GALNTL6: variants seen among roughly 807,000 people sequenced by gnomAD.
The protein encoded by GALNTL6 is polypeptide N-acetylgalactosaminyltransferase like 6, also known as polypeptide N-acetylgalactosaminyltransferase-like 6.
GALNTL6 carries 46 observed loss-of-function variants against 73.7 expected under a neutral mutation model. That is an observed-to-expected ratio of 0.62 (90% CI 0.49 to 0.80). The LOEUF (loss-of-function observed/expected upper bound fraction) is 0.80, where lower values mean the gene tolerates loss of function less well. GALNTL6 is among the 30% of genes least tolerant of loss of function. GALNTL6 has a pLI of 0.00. For missense variants in GALNTL6, 604 were observed against 755.0 expected (o/e 0.80, Z 2.34); for synonymous variants, 259 against 263.7 (o/e 0.98, Z 0.17).
chr4:172,055,651 T>G (rs1227199558), intron 2 of GALNTL6, among the ~76,000 whole-genome samples: 2 of 152,150 alleles, frequency 1.3e-5, no homozygotes, highest in East Asian at 3.9e-4. Flanking sequence ...GAAAACCTGC[T>G]AGGCTTTAAG....
At chr4:172,354,928 G>T (rs1247990873) in intron 5 of GALNTL6, among the ~76,000 whole-genome samples, 3 of 152,058 alleles carry the variant, frequency 2.0e-5, no homozygotes. Context: ...CCTGAAGTGC[G>T]AATGTGAATA....
At chr4:172,893,665 T>C (rs1228644886) in intron 8 of GALNTL6, among the ~76,000 whole-genome samples, 2 of 152,208 alleles carry the variant, frequency 1.3e-5, no homozygotes. Flanking sequence ...AGCCAAGCCC[T>C]GCTCTCTCCC....
chr4:172,206,857 G>C (rs575257392), intron 2 of GALNTL6, among the ~76,000 whole-genome samples: 2 of 116,448 alleles, frequency 1.7e-5, no homozygotes, highest in Admixed American at 1.2e-4. Flanking sequence ...TCACTCTGTC[G>C]CCCAGGCTGG....
chr4:172,869,429 G>C (rs1366337604), intron 7 of GALNTL6, among the ~76,000 whole-genome samples: 1 of 152,148 alleles, frequency 6.6e-6, no homozygotes, highest in Admixed American at 6.6e-5. Flanking sequence ...CGGAGAAAAA[G>C]ACAGAAAAAG....
intron 2 of GALNTL6, among the ~76,000 whole-genome samples, chr4:171,959,530 G>C (rs941445438): frequency 1.6e-4 from 25 of 151,802 alleles, no homozygotes; most frequent in African/African-American, 6.1e-4. Context: ...GGGCGCTGGG[G>C]TGTCTTCTTT....
At chr4:172,836,365 C>G (rs1742910740) in intron 7 of GALNTL6, among the ~76,000 whole-genome samples, 1 of 152,222 alleles carries the variant, frequency 6.6e-6, no homozygotes, top group African/African-American at 2.4e-5. Flanking sequence ...TTAAACTCCT[C>G]CACAGATGTC....
chr4:172,467,937 C>T (rs180982223), intron 5 of GALNTL6, among the ~76,000 whole-genome samples: 87 of 148,098 alleles, frequency 5.9e-4, no homozygotes, highest in African/African-American at 2.0e-3. Context: ...CTCTGCCACC[C>T]AGGCTGAGTA....
intron 5 of GALNTL6, among the ~76,000 whole-genome samples, chr4:172,609,673 G>A (rs1276018296): frequency 7.1e-6 from 1 of 141,560 alleles, no homozygotes; most frequent in South Asian, 2.4e-4. Context: ...GTGTCTGCCA[G>A]GTTTTGGTAT....
chr4:172,074,178 A>G (rs1382260433), intron 2 of GALNTL6, among the ~76,000 whole-genome samples: 1 of 152,202 alleles, frequency 6.6e-6, no homozygotes, highest in African/African-American at 2.4e-5. Context: ...ATTTGTTGAC[A>G]ACTAATTGTA....
intron 10 of GALNTL6, among the ~76,000 whole-genome samples, chr4:172,985,492 C>T (rs1314377390): frequency 6.6e-6 from 1 of 152,050 alleles, no homozygotes; most frequent in African/African-American, 2.4e-5. Context: ...ATTGCCTAAA[C>T]AGCTGATTTA....
At chr4:172,880,432 T>C (rs187320361) in intron 7 of GALNTL6, among the ~76,000 whole-genome samples, 6 of 152,190 alleles carry the variant, frequency 3.9e-5, no homozygotes, top group Admixed American at 3.9e-4. Flanking sequence ...TATAATTCTA[T>C]GTATATATAG....
intron 5 of GALNTL6, among the ~76,000 whole-genome samples, chr4:172,595,102 A>T (rs150715238): frequency 1.5e-3 from 226 of 152,262 alleles, no homozygotes; most frequent in Non-Finnish European, 2.7e-3. Context: ...CATTCATGAG[A>T]GTTTCACCTC....
intron 5 of GALNTL6, among the ~76,000 whole-genome samples, chr4:172,723,827 G>T (rs1288747151): frequency 6.6e-6 from 1 of 151,970 alleles, no homozygotes; most frequent in Non-Finnish European, 1.5e-5. Context: ...TATTCTTTTT[G>T]TGAAAAATAA....
intron 2 of GALNTL6, among the ~76,000 whole-genome samples, chr4:172,183,267 G>A (rs954983912): frequency 5.9e-5 from 9 of 152,082 alleles, no homozygotes; most frequent in South Asian, 2.1e-4. Context: ...CATAAAAAAC[G>A]ATGAATAACA....
Position 172,367,449 on chromosome 4 carries a change from G to A in GALNTL6, c.553+18760G>A, listed in dbSNP as rs77703020. ...ACCAAGATAATGAATGCCTTCATAA[G>A]GCCCCTAGAAAGACCTTTTTTTTTG... On this transcript the variant is annotated intron_variant, in intron 5 of 12. Coordinates refer to ENST00000506823, the MANE Select transcript of GALNTL6 (RefSeq NM_001034845.3). Among the ~76,000 whole-genome samples, 168 of 151,834 alleles carry A rather than the reference G, an allele frequency of 1.1e-3. 2 individuals are homozygous for A. In the East Asian group the frequency reaches 0.025, roughly 23 times the overall value.
intron 12 of GALNTL6, among the ~76,000 whole-genome samples, chr4:173,025,820 T>C (rs1753209491): frequency 6.6e-6 from 1 of 152,176 alleles, no homozygotes; most frequent in African/African-American, 2.4e-5. Context: ...CTTGAATAGT[T>C]GTTTTGCTTT....
At chr4:172,381,285 C>A (rs936125262) in intron 5 of GALNTL6, among the ~76,000 whole-genome samples, 1 of 152,152 alleles carries the variant, frequency 6.6e-6, no homozygotes, top group African/African-American at 2.4e-5. Flanking sequence ...ATTCACCTAG[C>A]ATGAAATTGA....
intron 4 of GALNTL6, among the ~76,000 whole-genome samples, chr4:172,312,471 T>C (rs1740397116): frequency 6.6e-6 from 1 of 152,174 alleles, no homozygotes; most frequent in East Asian, 1.9e-4. Context: ...ACTGAGAACA[T>C]GGAATGTGAT....
chr4:172,112,596 G>A (rs1237889809), intron 2 of GALNTL6, among the ~76,000 whole-genome samples: 1 of 151,936 alleles, frequency 6.6e-6, no homozygotes, highest in Non-Finnish European at 1.5e-5. Context: ...ATTCTAATAG[G>A]TGTGTAGTTG....
Sources: allele counts gnomAD v4.1 joint callset (sites outside exome capture counted in the v4.1 genomes callset), GRCh38; gene constraint gnomAD v4.1.1; transcripts MANE v1.5; gene names NCBI Gene and HGNC (gene_info 2026-07-23, HGNC 2026-07-21).